The following IL1RL2 variants were observed in gnomAD, a reference collection of about 807,000 sequenced individuals.
IL1RL2 encodes the protein interleukin-1 receptor-like 2.
In IL1RL2, 68 loss-of-function variants were observed where a neutral mutation model predicts 66.8. The ratio of observed to expected loss-of-function variants is 1.02; its 90% confidence interval spans 0.84 to 1.25. IL1RL2 has a LOEUF of 1.25. Among genes scored for constraint, IL1RL2 ranks in the 50% most tolerant of loss-of-function variants. The pLI is 0.00. For missense variants in IL1RL2, 729 were observed against 709.3 expected (o/e 1.03, Z -0.32); for synonymous variants, 305 against 264.6 (o/e 1.15, Z -1.48).
intron 4 of IL1RL2, among the ~76,000 whole-genome samples, chr2:102,197,612 G>C (rs1687897299): frequency 6.6e-6 from 1 of 152,190 alleles, no homozygotes; most frequent in Non-Finnish European, 1.5e-5. Context: ...CTAAGGCTCT[G>C]GATGGAATTC....
At chr2:102,215,366 A>G (rs1356310498) in intron 6 of IL1RL2, among the ~76,000 whole-genome samples, 1 of 152,054 alleles carries the variant, frequency 6.6e-6, no homozygotes. Context: ...TCATTTCACC[A>G]TGTTCATACA....
rs1180357100 is a variant in IL1RL2 at position 102,192,059 on chromosome 2, G to T, written c.428G>T (p.Ser143Ile). Residue 143 changes from serine to isoleucine, a missense_variant, in exon 4 of 12, where the codon AGT (serine) becomes ATT (isoleucine). Physicochemically the swap from Ser to Ile is moderately radical, Grantham distance 142. Transcript: ENST00000264257. ...ATATTACATCTTGGAAAAGATGATA[G>T]TCTCACATGTCATCTGCACTTCCCG... ...KQILHLGKDD[S>I]LTCHLHFPKS... The T allele has an allele frequency of 1.2e-6, 2 of 1,611,686 alleles. No homozygotes were observed. Among genetic ancestry groups the T allele is most frequent in the Non-Finnish European group, 1.7e-6 (2 of 1,179,122 alleles).
chr2:102,201,402 A>T lies in IL1RL2; in HGVS notation c.490-154A>T, dbSNP rs10164790. On this transcript the variant is annotated intron_variant, in intron 4 of 11. Transcript: ENST00000264257. The stretch of plus-strand genomic sequence containing the variant: ...AGGGAATTCTGCTGCCTATCTATCC[A>T]TCTATCATCAATCTATCATCTACCT... 5.4e-3 allele frequency among the ~76,000 whole-genome samples: 823 copies of T among 152,206 alleles called. 12 individuals are homozygous for T. Among genetic ancestry groups the T allele is most frequent in the African/African-American group, 0.019 (790 of 41,526 alleles).
chr2:102,199,672 G>T (rs3771193), intron 4 of IL1RL2, among the ~76,000 whole-genome samples: 42,543 of 151,900 alleles, frequency 0.28, 6,560 homozygotes, highest in East Asian at 0.38. Context: ...CGACAGAATG[G>T]CCCTCAGCTG....
chr2:102,219,125 A>C (rs1365571131), intron 7 of IL1RL2, 43 bp downstream of exon 7: 1 of 1,609,826 alleles, frequency 6.2e-7, no homozygotes, highest in Non-Finnish European at 8.5e-7. Flanking sequence ...GCTAGCAAGG[A>C]TTTCTCCATC....
intron 8 of IL1RL2, 29 bp downstream of exon 8, chr2:102,220,046 C>T (rs1315190387): frequency 6.4e-7 from 1 of 1,560,882 alleles, no homozygotes; most frequent in Admixed American, 1.7e-5. Flanking sequence ...ACACACTGTT[C>T]AGAGTGTTCA....
rs1686853915 is a variant in IL1RL2 at position 102,188,051 on chromosome 2, C to G, written c.58+126C>G. 4 of 832,586 alleles carry G rather than the reference C, an allele frequency of 4.8e-6. No homozygotes were observed. The East Asian group carries it at 1.0e-4, about 21-fold the overall frequency. The allele number at this position is 832,586 out of a possible 1,614,324, so 51.6% of individuals were successfully genotyped here. A position where few individuals can be genotyped will look rare whatever the true frequency, so the allele number is the denominator to read the frequency against. On this transcript the variant is annotated intron_variant, in intron 2 of 11. Coordinates refer to ENST00000264257, the MANE Select transcript of IL1RL2 (RefSeq NM_003854.4). The stretch of plus-strand genomic sequence containing the variant: ...TCCTTCCCCTCCCCAGACCGCCAGG[C>G]GGAGTTCCGCGGAAGAGGAAACAGA...
At chr2:102,224,907 A>G (rs1690465046) in intron 8 of IL1RL2, among the ~76,000 whole-genome samples, 1 of 151,256 alleles carries the variant, frequency 6.6e-6, no homozygotes, top group African/African-American at 2.4e-5. Context: ...AGAGGCTCAG[A>G]AAAAAAAACC....
At chr2:102,195,611 TTCTTTCTTTCTTTCTTTC>T (rs1432293929) in intron 4 of IL1RL2, among the ~76,000 whole-genome samples, 4 of 17,668 alleles carry the variant, frequency 2.3e-4, no homozygotes, top group Admixed American at 5.3e-4. Flanking sequence ...CTTTCTTTCT[TTCTTTCTTTCTTTCTTTC>T]TCTCTCTCTC....
intron 4 of IL1RL2, among the ~76,000 whole-genome samples, chr2:102,198,540 T>C (rs1199851077): frequency 1.3e-5 from 2 of 152,192 alleles, no homozygotes; most frequent in African/African-American, 4.8e-5. Flanking sequence ...GTTGCTAAAT[T>C]GACATTCATT....
rs1193737426 is a variant in IL1RL2 at position 102,236,897 on chromosome 2, G to C, written c.1678+1620G>C. ...AAAGTAGTGACACATGTTGGAAAGAGGGAAGCTTTTTGACTTATAAAACTC... is the reference window on the plus strand; with the variant it reads ...AAAGTAGTGACACATGTTGGAAAGACGGAAGCTTTTTGACTTATAAAACTC... On this transcript the variant is annotated intron_variant, in intron 11 of 11. Transcript: ENST00000264257. Among the ~76,000 whole-genome samples the C allele has an allele frequency of 2.6e-5, 4 of 152,210 alleles. No individual in the cohort carries two copies. The East Asian group carries it at 7.7e-4, about 29-fold the overall frequency.
At chr2:102,195,579 T>TTC (rs1160149150) in intron 4 of IL1RL2, among the ~76,000 whole-genome samples, 21 of 15,968 alleles carry the variant, frequency 1.3e-3, no homozygotes, top group East Asian at 7.5e-3. Flanking sequence ...CTTTCTTTCT[T>TTC]TCTTTCTTTC....
chr2:102,195,627 T>TTCTTTCTCTCTC (rs1559530270), intron 4 of IL1RL2, among the ~76,000 whole-genome samples: 1 of 14,644 alleles, frequency 6.8e-5, no homozygotes. Context: ...CTTTCTTTCT[T>TTCTTTCTCTCTC]TCTCTCTCTC....
At chr2:102,235,359 A>G (rs1674788936) in intron 11 of IL1RL2, 82 bp downstream of exon 11, 2 of 1,544,118 alleles carry the variant, frequency 1.3e-6, no homozygotes, top group Admixed American at 3.7e-5. Context: ...CTGGAGGAGG[A>G]CACGTTTCAT....
chr2:102,188,927 A>T, intron 2 of IL1RL2, 149 bp from the exon 3 acceptor site: 4 of 613,658 alleles, frequency 6.5e-6, no homozygotes, highest in Non-Finnish European at 1.1e-5. Context: ...TCAGCAGGCT[A>T]TTTTTAGGAA....
At chr2:102,193,068 A>C (rs1324816607) in intron 4 of IL1RL2, among the ~76,000 whole-genome samples, 1 of 151,586 alleles carries the variant, frequency 6.6e-6, no homozygotes, top group Non-Finnish European at 1.5e-5. Context: ...ACACACGTGC[A>C]CACACACACA....
chr2:102,220,502 T>G (rs1260372155), intron 8 of IL1RL2, among the ~76,000 whole-genome samples: 1 of 152,196 alleles, frequency 6.6e-6, no homozygotes, highest in Non-Finnish European at 1.5e-5. Context: ...CGTACAGAAC[T>G]AATTGATTAT....
At position 102,233,057 on chromosome 2, in the gene IL1RL2, C is replaced by A. The variant is rs36064496; in HGVS notation, c.1230C>A (p.Pro410=). The part of the protein sequence containing the change: ...AVDALVLNIL[P]EVLERQCGYK... Reference sequence around the variant, plus strand: ...ATGCCCTGGTGTTGAATATCCTGCCCGAGGTGTTGGAGAGACAATGTGGAT... The same window carrying A: ...ATGCCCTGGTGTTGAATATCCTGCCAGAGGTGTTGGAGAGACAATGTGGAT... The change falls in exon 10 of 12, where the codon CCC becomes CCA. Residue 410 remains proline, a synonymous_variant. Coordinates refer to ENST00000264257, the MANE Select transcript of IL1RL2 (RefSeq NM_003854.4). 3.0e-4 allele frequency: 491 copies of A among 1,614,066 alleles called. 1 individual carries two copies. The African/African-American group carries it at 5.9e-3, about 19-fold the overall frequency.
intron 6 of IL1RL2, among the ~76,000 whole-genome samples, chr2:102,212,830 A>G (rs1332868454): frequency 6.6e-6 from 1 of 152,060 alleles, no homozygotes; most frequent in African/African-American, 2.4e-5. Flanking sequence ...TTAGCCGGGC[A>G]TGGTGGCAGG....
Sources: allele counts gnomAD v4.1 joint callset (sites outside exome capture counted in the v4.1 genomes callset), GRCh38; gene constraint gnomAD v4.1.1; transcripts MANE v1.5; gene names NCBI Gene and HGNC (gene_info 2026-07-23, HGNC 2026-07-21).